HS6ST3: variants seen among roughly 807,000 people sequenced by gnomAD.
The protein encoded by HS6ST3 is heparan-sulfate 6-O-sulfotransferase 3.
A neutral mutation model predicts 36.7 loss-of-function variants in HS6ST3; 12 were observed. That is an observed-to-expected ratio of 0.33 (90% CI 0.21 to 0.53). The LOEUF is 0.53. Among genes scored for constraint, HS6ST3 ranks in the 20% least tolerant of loss-of-function variants. HS6ST3 has a pLI of 0.95. For missense variants in HS6ST3, 584 were observed against 640.9 expected, an observed-to-expected ratio of 0.91 and a Z score of 0.96; for synonymous variants, 240 against 257.5, an observed-to-expected ratio of 0.93 and a Z score of 0.65.
chr13:96,538,741 G>A (rs1272626637), intron 1 of HS6ST3, among the ~76,000 whole-genome samples: 2 of 152,178 alleles, frequency 1.3e-5, no homozygotes, highest in East Asian at 3.9e-4. Context: ...ACCATGCCCA[G>A]CTAAGCACAT....
At chr13:96,721,502 G>T (rs996164590) in intron 1 of HS6ST3, among the ~76,000 whole-genome samples, 11 of 152,184 alleles carry the variant, frequency 7.2e-5, no homozygotes, top group African/African-American at 2.6e-4. Flanking sequence ...ATGCACCTCA[G>T]GTATTGACTT....
rs768971810 is a variant in HS6ST3 at position 96,151,616 on chromosome 13, C to A, written c.707+60047C>A. ...AGTGCTGCTGTAACAAAGTGCTACACATTGGGTGGCTTAAAGCAACAAATT... is the reference window on the plus strand; with the variant it reads ...AGTGCTGCTGTAACAAAGTGCTACAAATTGGGTGGCTTAAAGCAACAAATT... On this transcript the variant is annotated intron_variant, in intron 1 of 1. Coordinates refer to ENST00000376705, the MANE Select transcript of HS6ST3 (RefSeq NM_153456.4). Among the ~76,000 whole-genome samples, 5 of 152,216 alleles carry A rather than the reference C, an allele frequency of 3.3e-5. No individual in the cohort carries two copies. The South Asian group carries it at 1.0e-3, about 32-fold the overall frequency.
At chr13:96,353,046 CTTTTTTTT>C (rs1026366277) in intron 1 of HS6ST3, among the ~76,000 whole-genome samples, 3 of 85,436 alleles carry the variant, frequency 3.5e-5, no homozygotes, top group African/African-American at 8.9e-5. Flanking sequence ...CTAGCGTATT[CTTTTTTTT>C]TTTTTTTTTT....
intron 1 of HS6ST3, among the ~76,000 whole-genome samples, chr13:96,244,317 T>C (rs773880264): frequency 2.6e-5 from 4 of 152,196 alleles, no homozygotes; most frequent in Non-Finnish European, 2.9e-5. Context: ...AGCGATCACT[T>C]TGTTCTAATG....
In HS6ST3 at chr13:96,835,618, C is replaced by CACACACACACAA. The variant is rs1156643826; in HGVS notation, c.*2431_*2432insAACACACACACA. On this transcript the variant is annotated 3_prime_UTR_variant, in exon 2 of 2. Coordinates refer to ENST00000376705, the MANE Select transcript of HS6ST3 (RefSeq NM_153456.4). The stretch of plus-strand genomic sequence containing the variant: ...CCTGCCCCTGTGACACACACACACA[C>CACACACACACAA]ACACACACACACACACAAACAATCC... 3 of 152,110 alleles carry CACACACACACAA rather than the reference C, an allele frequency of 2.0e-5. No homozygotes were observed. Among genetic ancestry groups the CACACACACACAA allele is most frequent in the Admixed American group, 6.6e-5 (1 of 15,246 alleles). The allele number at this position is 152,110 out of a possible 1,614,324, so 9.4% of individuals were successfully genotyped here. A position where few individuals can be genotyped will look rare whatever the true frequency, so the allele number is the denominator to read the frequency against.
chr13:96,585,661 G>A (rs1285782570), intron 1 of HS6ST3, among the ~76,000 whole-genome samples: 1 of 152,034 alleles, frequency 6.6e-6, no homozygotes. Flanking sequence ...CTCTAGTTCT[G>A]TGAGATCAAC....
At chr13:96,786,475 C>G (rs1039238314) in intron 1 of HS6ST3, among the ~76,000 whole-genome samples, 4 of 152,126 alleles carry the variant, frequency 2.6e-5, no homozygotes, top group Admixed American at 6.6e-5. Context: ...ACACCTGGCA[C>G]GTGGTAGGTG....
chr13:96,602,448 C>T (rs1406799917), intron 1 of HS6ST3, among the ~76,000 whole-genome samples: 1 of 152,156 alleles, frequency 6.6e-6, no homozygotes, highest in African/African-American at 2.4e-5. Flanking sequence ...GTAGCCAGCA[C>T]AGTTCTGTGA....
intron 1 of HS6ST3, among the ~76,000 whole-genome samples, chr13:96,180,044 A>G (rs1411120506): frequency 6.6e-6 from 1 of 152,146 alleles, no homozygotes; most frequent in African/African-American, 2.4e-5. Flanking sequence ...CTTGTTGGCC[A>G]GGCTGGTCTC....
At chr13:96,557,723 C>T (rs1439737872) in intron 1 of HS6ST3, among the ~76,000 whole-genome samples, 1 of 152,178 alleles carries the variant, frequency 6.6e-6, no homozygotes, top group Non-Finnish European at 1.5e-5. Context: ...AGACAGACAT[C>T]CTCTATCATG....
intron 1 of HS6ST3, among the ~76,000 whole-genome samples, chr13:96,611,403 AAAC>A (rs2056456849): frequency 6.6e-6 from 1 of 152,186 alleles, no homozygotes; most frequent in African/African-American, 2.4e-5. Context: ...ATTTTAATAG[AAAC>A]AAATATTTTA....
chr13:96,725,787 T>C (rs1875989066), intron 1 of HS6ST3, among the ~76,000 whole-genome samples: 1 of 152,098 alleles, frequency 6.6e-6, no homozygotes, highest in African/African-American at 2.4e-5. Context: ...TGCAAACACC[T>C]CATTGTCTTG....
intron 1 of HS6ST3, among the ~76,000 whole-genome samples, chr13:96,093,310 ATAAT>A (rs1186825947): frequency 2.0e-5 from 3 of 152,226 alleles, no homozygotes; most frequent in Non-Finnish European, 2.9e-5. Flanking sequence ...GAATCTAAAA[ATAAT>A]TAGATTTTTG....
intron 1 of HS6ST3, among the ~76,000 whole-genome samples, chr13:96,498,754 A>T (rs1240930304): frequency 6.6e-6 from 1 of 152,188 alleles, no homozygotes; most frequent in Non-Finnish European, 1.5e-5. Flanking sequence ...TGTGAAATTC[A>T]AAAGGGCAGT....
At chr13:96,431,225 A>AAACAACAAC (rs71213616) in intron 1 of HS6ST3, among the ~76,000 whole-genome samples, 12 of 150,316 alleles carry the variant, frequency 8.0e-5, no homozygotes, top group African/African-American at 1.5e-4. Flanking sequence ...ACAAACAAAC[A>AAACAACAAC]AACAACAACA....
chr13:96,629,935 T>C (rs567364211), intron 1 of HS6ST3, among the ~76,000 whole-genome samples: 1 of 152,296 alleles, frequency 6.6e-6, no homozygotes, highest in Non-Finnish European at 1.5e-5. Flanking sequence ...TTCACTCTTT[T>C]CTATTTTCAA....
At chr13:96,760,982 G>A (rs1309909797) in intron 1 of HS6ST3, among the ~76,000 whole-genome samples, 1 of 152,022 alleles carries the variant, frequency 6.6e-6, no homozygotes, top group African/African-American at 2.4e-5. Context: ...CCATGACTAT[G>A]TTATCTTTCA....
chr13:96,217,527 C>A (rs1326912728), intron 1 of HS6ST3, among the ~76,000 whole-genome samples: 1 of 152,208 alleles, frequency 6.6e-6, no homozygotes, highest in Non-Finnish European at 1.5e-5. Context: ...ATCCTCGCAG[C>A]TTCCTAACGA....
intron 1 of HS6ST3, among the ~76,000 whole-genome samples, chr13:96,745,488 T>C (rs1013916658): frequency 6.6e-6 from 1 of 152,094 alleles, no homozygotes; most frequent in Non-Finnish European, 1.5e-5. Flanking sequence ...TAATCAGATC[T>C]TCAGAAGCTA....
Sources: allele counts gnomAD v4.1 joint callset (sites outside exome capture counted in the v4.1 genomes callset), GRCh38; gene constraint gnomAD v4.1.1; transcripts MANE v1.5; gene names NCBI Gene and HGNC (gene_info 2026-07-23, HGNC 2026-07-21).